ROBO1: variants seen among roughly 807,000 people sequenced by gnomAD.
ROBO1 encodes roundabout homolog 1.
Under a neutral mutation model 195.9 loss-of-function variants are expected in ROBO1, and 149 were observed. The observed-to-expected ratio is 0.76, with a 90% CI of 0.67 to 0.87. The LOEUF is 0.87. ROBO1 is among the 40% of genes least tolerant of loss of function. ROBO1 has a pLI of 0.00. For synonymous variants in ROBO1, 816 were observed against 733.2 expected, an observed-to-expected ratio of 1.11 and a Z score of -1.82; for missense variants, 1,933 against 2,068.3, an observed-to-expected ratio of 0.93 and a Z score of 1.27.
At chr3:79,481,402 T>TATACAGATGAAG (rs1410239937) in intron 2 of ROBO1, among the ~76,000 whole-genome samples, 2 of 152,112 alleles carry the variant, frequency 1.3e-5, no homozygotes, top group East Asian at 3.9e-4. Flanking sequence ...AGTGCACAAT[T>TATACAGATGAAG]TATCAATGAC....
At chr3:79,468,862 A>T (rs1345065072) in intron 2 of ROBO1, among the ~76,000 whole-genome samples, 1 of 152,164 alleles carries the variant, frequency 6.6e-6, no homozygotes, top group Non-Finnish European at 1.5e-5. Flanking sequence ...GGAAAGAGAT[A>T]ATTTTAGTCT....
At chr3:79,127,874 T>C (rs1053282714) in intron 2 of ROBO1, among the ~76,000 whole-genome samples, 11 of 152,196 alleles carry the variant, frequency 7.2e-5, no homozygotes, top group Admixed American at 7.2e-4. Flanking sequence ...GATCTTTGCA[T>C]TAATCAATGA....
chr3:79,147,649 T>G (rs2080680184), intron 2 of ROBO1, among the ~76,000 whole-genome samples: 1 of 151,982 alleles, frequency 6.6e-6, no homozygotes, highest in Non-Finnish European at 1.5e-5. Context: ...AGGAAAAGTT[T>G]GATCACATTT....
intron 2 of ROBO1, among the ~76,000 whole-genome samples, chr3:79,160,921 A>G (rs1432575895): frequency 6.6e-6 from 1 of 152,072 alleles, no homozygotes. Context: ...CTATGCACGT[A>G]AAGAGAATTA....
chr3:78,668,180 A>G lies in ROBO1; in HGVS notation c.1753T>C (p.Leu585=), dbSNP rs746003943. 1.4e-5 allele frequency: 23 copies of G among 1,613,372 alleles called. No homozygotes were observed. Among genetic ancestry groups the G allele is most frequent in the Admixed American group, 1.0e-4 (6 of 59,958 alleles). ...GATGTTGGAGTTGCTCCTGAATTCA[A>G]ATTTGGTTGCCACGATAATGTGACT... ...NTVTLSWQPN[L]NSGATPTSYI... Residue 585 remains leucine (L), a synonymous_variant, in exon 13 of 31, where the codon TTG becomes CTG. Coordinates refer to ENST00000464233, the MANE Select transcript of ROBO1 (RefSeq NM_002941.4).
At chr3:79,541,393 T>A (rs35306569) in intron 2 of ROBO1, among the ~76,000 whole-genome samples, 86,461 of 151,416 alleles carry the variant, frequency 0.57, 24,774 homozygotes, top group Non-Finnish European at 0.6. Context: ...CATGCCCCCC[T>A]CCCAGCGGTG....
At chr3:79,613,825 G>T (rs1371529697) in intron 1 of ROBO1, among the ~76,000 whole-genome samples, 1 of 151,984 alleles carries the variant, frequency 6.6e-6, no homozygotes, top group African/African-American at 2.4e-5. Context: ...AAAAGGTTCG[G>T]AGAAAGATGT....
intron 2 of ROBO1, among the ~76,000 whole-genome samples, chr3:79,351,174 A>C (rs1480111148): frequency 6.8e-6 from 1 of 146,742 alleles, no homozygotes; most frequent in Non-Finnish European, 1.5e-5. Context: ...AAGGCATATA[A>C]AAAATTATGA....
At chr3:78,989,434 C>A (rs1230210568) in intron 3 of ROBO1, among the ~76,000 whole-genome samples, 1 of 152,024 alleles carries the variant, frequency 6.6e-6, no homozygotes, top group Non-Finnish European at 1.5e-5. Flanking sequence ...GCCAACATGG[C>A]AAAACCTTGT....
chr3:79,266,356 A>C (rs1431116237), intron 2 of ROBO1, among the ~76,000 whole-genome samples: 1 of 151,656 alleles, frequency 6.6e-6, no homozygotes, highest in Non-Finnish European at 1.5e-5. Context: ...TGCCAATTAA[A>C]ATCCATTTGG....
intron 2 of ROBO1, among the ~76,000 whole-genome samples, chr3:79,168,220 C>T (rs866381925): frequency 1.3e-5 from 2 of 152,038 alleles, no homozygotes; most frequent in Non-Finnish European, 2.9e-5. Context: ...GACAGTTTAC[C>T]CAATGAGAGG....
rs944728718 is a variant in ROBO1 at position 79,699,099 on chromosome 3, G to T, written c.-51+68653C>A. Among the ~76,000 whole-genome samples, 14 of 143,602 alleles carry T rather than the reference G, an allele frequency of 9.7e-5. No individual in the cohort carries two copies. In the East Asian group the frequency reaches 3.0e-3, roughly 31 times the overall value. 94.2% of individuals were successfully genotyped at this position (143,602 alleles called of 152,430 possible). On this transcript the variant is annotated intron_variant, in intron 1 of 30. Coordinates refer to ENST00000464233, the MANE Select transcript of ROBO1 (RefSeq NM_002941.4). Reference sequence around the variant, plus strand: ...TTTATTAATTTATATATATATATATGACATTAACATTTATGGGTAGAGTAT... The same window carrying T: ...TTTATTAATTTATATATATATATATTACATTAACATTTATGGGTAGAGTAT...
intron 2 of ROBO1, among the ~76,000 whole-genome samples, chr3:79,359,136 G>C (rs946500132): frequency 9.2e-5 from 14 of 151,938 alleles, no homozygotes; most frequent in African/African-American, 3.4e-4. Context: ...TGATCATTTT[G>C]CTGGCATAAT....
intron 2 of ROBO1, among the ~76,000 whole-genome samples, chr3:79,371,231 C>A (rs541305005): frequency 6.6e-6 from 1 of 152,224 alleles, no homozygotes; most frequent in East Asian, 1.9e-4. Context: ...CAAATGGTGT[C>A]TCTGGTTCTG....
intron 2 of ROBO1, among the ~76,000 whole-genome samples, chr3:79,476,948 T>C: frequency 6.6e-6 from 1 of 152,186 alleles, no homozygotes; most frequent in South Asian, 2.1e-4. Flanking sequence ...TTTTTTAAGT[T>C]GAAGAAAAAA....
chr3:78,664,275 C>G (rs533124550), intron 14 of ROBO1, among the ~76,000 whole-genome samples: 1 of 152,176 alleles, frequency 6.6e-6, no homozygotes, highest in Non-Finnish European at 1.5e-5. Context: ...TTTCCCCCAA[C>G]GTTAAAACTT....
chr3:79,730,768 CTTTT>C (rs66527491), intron 1 of ROBO1, among the ~76,000 whole-genome samples: 1 of 95,520 alleles, frequency 1.0e-5, no homozygotes, highest in African/African-American at 3.9e-5. Flanking sequence ...CCTGTATTTC[CTTTT>C]TTTTTTTTTT....
intron 3 of ROBO1, among the ~76,000 whole-genome samples, chr3:79,095,408 TC>T (rs2079549037): frequency 6.6e-6 from 1 of 152,064 alleles, no homozygotes; most frequent in South Asian, 2.1e-4. Flanking sequence ...GCAAAGGTAC[TC>T]CTGCAGTCCT....
At chr3:78,649,247 C>T (rs1706497140) in intron 19 of ROBO1, among the ~76,000 whole-genome samples, 1 of 152,064 alleles carries the variant, frequency 6.6e-6, no homozygotes, top group African/African-American at 2.4e-5. Flanking sequence ...CTTGTCATTA[C>T]TTCTCCTAGC....
Sources: allele counts gnomAD v4.1 joint callset (sites outside exome capture counted in the v4.1 genomes callset), GRCh38; gene constraint gnomAD v4.1.1; transcripts MANE v1.5; gene names NCBI Gene and HGNC (gene_info 2026-07-23, HGNC 2026-07-21).